Variants in DNAH5 observed in about 807,000 individuals in gnomAD.
DNAH5 encodes axonemal beta dynein heavy chain 5.
A neutral mutation model predicts 518.2 loss-of-function variants in DNAH5; 372 were observed. The observed-to-expected ratio is 0.72, with a 90% CI of 0.66 to 0.78. The LOEUF is 0.78. Ranked by LOEUF, DNAH5 falls within the 30% of genes least tolerant of loss-of-function variation. The pLI, the probability that DNAH5 is intolerant of heterozygous loss-of-function variation, is 0.00. For synonymous variants in DNAH5, 2,039 were observed against 2,025.9 expected, an observed-to-expected ratio of 1.01 and a Z score of -0.17; for missense variants, 5,523 against 5,687.0, an observed-to-expected ratio of 0.97 and a Z score of 0.93.
intron 27 of DNAH5, 32 bp downstream of exon 27, chr5:13,865,636 T>C (rs1769133390): frequency 1.5e-6 from 2 of 1,317,184 alleles, no homozygotes; most frequent in African/African-American, 2.9e-5. Context: ...TGAAGTTCAA[T>C]TGCTGGGCAT....
intron 1 of DNAH5, among the ~76,000 whole-genome samples, chr5:13,985,374 A>C (rs1178411238): frequency 6.6e-6 from 1 of 150,858 alleles, no homozygotes; most frequent in Non-Finnish European, 1.5e-5. Context: ...ATGTGTATAC[A>C]TATGTAAAAA....
chr5:13,813,605 C>T (rs1761019352), intron 43 of DNAH5, among the ~76,000 whole-genome samples: 4 of 152,082 alleles, frequency 2.6e-5, no homozygotes. Flanking sequence ...CTTTTATTCT[C>T]CTTAATGGGT....
intron 1 of DNAH5, among the ~76,000 whole-genome samples, chr5:13,950,283 T>C (rs1269677828): frequency 2.0e-5 from 3 of 151,868 alleles, no homozygotes; most frequent in Non-Finnish European, 2.9e-5. Context: ...CAAACCATGA[T>C]ACTTGTATTT....
intron 1 of DNAH5, among the ~76,000 whole-genome samples, chr5:13,951,582 AT>A (rs1450591579): frequency 6.6e-6 from 1 of 151,992 alleles, no homozygotes; most frequent in Non-Finnish European, 1.5e-5. Context: ...AGGAAAATAT[AT>A]TTCATTTCAT....
chr5:13,940,291 T>C (rs1475868952), intron 1 of DNAH5, among the ~76,000 whole-genome samples: 1 of 152,136 alleles, frequency 6.6e-6, no homozygotes. Context: ...TATATCCTCT[T>C]TCCCTAACCC....
At chr5:13,770,441 C>G (rs1001178215) in intron 56 of DNAH5, among the ~76,000 whole-genome samples, 13 of 152,170 alleles carry the variant, frequency 8.5e-5, no homozygotes, top group African/African-American at 3.1e-4. Context: ...ACATAAAAAC[C>G]TGGCAATAAT....
At chr5:13,805,617 G>C (rs1331647017) in intron 47 of DNAH5, among the ~76,000 whole-genome samples, 2 of 152,192 alleles carry the variant, frequency 1.3e-5, no homozygotes. Flanking sequence ...CCAGGTTGGT[G>C]ATATACATGA....
chr5:13,815,230 G>T (rs1761297695), intron 42 of DNAH5, among the ~76,000 whole-genome samples: 1 of 152,178 alleles, frequency 6.6e-6, no homozygotes, highest in South Asian at 2.1e-4. Flanking sequence ...AAACTAAGTA[G>T]AATGAGGGCA....
chr5:13,878,317 T>G (rs1378981871), intron 21 of DNAH5, among the ~76,000 whole-genome samples: 1 of 152,184 alleles, frequency 6.6e-6, no homozygotes, highest in Non-Finnish European at 1.5e-5. Flanking sequence ...AAAGGAAGTT[T>G]CAATGGACAT....
chr5:13,800,994 G>C (rs143317919), intron 47 of DNAH5, among the ~76,000 whole-genome samples: 72 of 152,270 alleles, frequency 4.7e-4, no homozygotes, highest in African/African-American at 1.7e-3. Flanking sequence ...TGTGTTTGTT[G>C]TTAAATATTT....
At chr5:13,724,897 C>T (rs917937212) in intron 70 of DNAH5, among the ~76,000 whole-genome samples, 2 of 152,242 alleles carry the variant, frequency 1.3e-5, no homozygotes, top group African/African-American at 4.8e-5. Flanking sequence ...TCCTGTACAA[C>T]CTGCAGAACC....
Position 13,876,319 on chromosome 5 carries a change from T to G in DNAH5, c.3396+365A>C, listed in dbSNP as rs113804291. 3.5e-3 allele frequency among the ~76,000 whole-genome samples: 528 copies of G among 152,322 alleles called. 5 individuals are homozygous for G. The highest frequency in any genetic ancestry group is 0.012 in the African/African-American group (507 of 41,584). On this transcript the variant is annotated intron_variant, in intron 22 of 78. Transcript: ENST00000265104. The stretch of plus-strand genomic sequence containing the variant: ...GACTACTCAAATATGAAAAAATGAC[T>G]ACAAACCTTATTCTATTTCAAATAT...
intron 25 of DNAH5, 146 bp downstream of exon 25, chr5:13,867,628 T>G: frequency 1.3e-6 from 1 of 741,916 alleles, no homozygotes; most frequent in Middle Eastern, 3.8e-4. Context: ...AAAAAAATGT[T>G]TTTCTCTCAT....
At chr5:13,917,300 G>A in intron 7 of DNAH5, 44 bp from the exon 8 acceptor site, 1 of 1,437,238 alleles carries the variant, frequency 7.0e-7, no homozygotes, top group South Asian at 1.2e-5. Context: ...ATTATTAATA[G>A]AGGAACTTCC....
chr5:13,994,435 C>T (rs1783786178), intron 1 of DNAH5, among the ~76,000 whole-genome samples: 1 of 152,196 alleles, frequency 6.6e-6, no homozygotes, highest in South Asian at 2.1e-4. Flanking sequence ...AAAATTACTA[C>T]TGTAAGCAAC....
Position 13,786,330 on chromosome 5 carries a change from T to A in DNAH5, c.8669A>T (p.Asp2890Val), listed in dbSNP as rs1237698314. 1 of 1,614,108 alleles carries A rather than the reference T, an allele frequency of 6.2e-7. No individual in the cohort carries two copies. The highest frequency in any genetic ancestry group is 2.2e-5 in the East Asian group (1 of 44,876). ...CTCATAAATTTTAGGTGTTTCAGCA[T>A]CAGCCTCTTCAGATGTTTCACCTTT... ...EAAGETSEEADAETPKIYEPI... is the reference protein window; with the variant it reads ...EAAGETSEEAVAETPKIYEPI... Residue 2890 changes from aspartate (D) to valine (V), a missense_variant, in exon 52 of 79, where the codon GAT (aspartate) becomes GTT (valine). By Grantham distance (152) the Asp-to-Val change is radical. Around this residue, in one of 3 missense-constraint regions of DNAH5, gnomAD observed 5,121 missense variants for 5,223.3 expected, o/e 0.98. Coordinates refer to ENST00000265104, the MANE Select transcript of DNAH5 (RefSeq NM_001369.3).
At chr5:13,845,407 T>C (rs1254789175) in intron 31 of DNAH5, among the ~76,000 whole-genome samples, 2 of 151,946 alleles carry the variant, frequency 1.3e-5, no homozygotes, top group Non-Finnish European at 2.9e-5. Flanking sequence ...CCCAGCACTG[T>C]GCCATCTAAA....
At chr5:13,923,533 T>A in intron 3 of DNAH5, 93 bp from the exon 4 acceptor site, 1 of 1,409,418 alleles carries the variant, frequency 7.1e-7, no homozygotes, top group South Asian at 1.2e-5. Flanking sequence ...AATATTGCCA[T>A]TGTTGACTTG....
chr5:13,757,165 A>G (rs181500449), intron 61 of DNAH5, among the ~76,000 whole-genome samples: 1 of 152,354 alleles, frequency 6.6e-6, no homozygotes, highest in African/African-American at 2.4e-5. Flanking sequence ...AGCAATGAAC[A>G]TATTCACACA....
Sources: allele counts gnomAD v4.1 joint callset (sites outside exome capture counted in the v4.1 genomes callset), GRCh38; gene constraint gnomAD v4.1.1; regional missense constraint gnomAD v4.1.1; transcripts MANE v1.5; gene names NCBI Gene and HGNC (gene_info 2026-07-23, HGNC 2026-07-21).